The following LINGO2 variants were observed in gnomAD, a reference collection of about 807,000 sequenced individuals.
The protein encoded by LINGO2 is leucine rich repeat and Ig domain containing 2.
In LINGO2, 14 loss-of-function variants were observed where a neutral mutation model predicts 30.6. That is an observed-to-expected ratio of 0.46 (90% CI 0.30 to 0.72). The LOEUF is 0.72. Among genes scored for constraint, LINGO2 ranks in the 30% least tolerant of loss-of-function variants. The probability of loss-of-function intolerance (pLI) is 0.07; values close to 1 mark genes in which losing one functional copy is unlikely to be tolerated. For synonymous variants in LINGO2, 317 were observed against 288.5 expected (o/e 1.10, Z -1.00); for missense variants, 729 against 751.7 (o/e 0.97, Z 0.35).
the LINGO2 span, among the ~76,000 whole-genome samples, chr9:28,796,046 A>T: frequency 2.6e-5 from 4 of 150,986 alleles, no homozygotes; most frequent in Admixed American, 1.3e-4. Context: ...GTGTGGGAAT[A>T]ATCATTCTAT....
chr9:28,753,837 T>C, the LINGO2 span, among the ~76,000 whole-genome samples: 1 of 152,028 alleles, frequency 6.6e-6, no homozygotes, highest in Non-Finnish European at 1.5e-5. Context: ...GGAGGTGTCA[T>C]CTGGGTTAAA....
chr9:29,168,698 T>C, the LINGO2 span, among the ~76,000 whole-genome samples: 3 of 152,208 alleles, frequency 2.0e-5, no homozygotes, highest in South Asian at 4.1e-4. Context: ...AGCAAATATG[T>C]AAGGGCAGTG....
chr9:29,143,060 T>G, the LINGO2 span, among the ~76,000 whole-genome samples: 1 of 50,578 alleles, frequency 2.0e-5, no homozygotes, highest in East Asian at 1.0e-3. Context: ...AGAAAAAAAG[T>G]AAAATATTTA....
chr9:29,097,528 C>A, the LINGO2 span, among the ~76,000 whole-genome samples: 2 of 137,944 alleles, frequency 1.4e-5, no homozygotes, highest in African/African-American at 5.4e-5. Flanking sequence ...ATAGGTATTA[C>A]CTATGCTATA....
the LINGO2 span, among the ~76,000 whole-genome samples, chr9:28,858,347 T>G: frequency 6.6e-6 from 1 of 152,072 alleles, no homozygotes; most frequent in Admixed American, 6.6e-5. Context: ...TCTCAAATTA[T>G]GCAATCCCAT....
chr9:28,425,485 A>G (rs911614817), intron 2 of LINGO2, among the ~76,000 whole-genome samples: 5 of 152,018 alleles, frequency 3.3e-5, no homozygotes, highest in African/African-American at 1.2e-4. Context: ...CTAAAGAAGT[A>G]GTGGAGGCAG....
intron 1 of LINGO2, among the ~76,000 whole-genome samples, chr9:28,612,195 G>A (rs964602838): frequency 3.9e-5 from 6 of 152,102 alleles, no homozygotes; most frequent in Admixed American, 1.3e-4. Flanking sequence ...CAGAGTAGCT[G>A]AGACTACAGG....
intron 4 of LINGO2, among the ~76,000 whole-genome samples, chr9:28,200,482 A>C (rs1163696750): frequency 1.3e-5 from 2 of 152,014 alleles, no homozygotes; most frequent in African/African-American, 4.8e-5. Flanking sequence ...CTTTGGGTAA[A>C]GCAGGTATAG....
the LINGO2 span, among the ~76,000 whole-genome samples, chr9:28,828,605 T>G: frequency 5.3e-5 from 8 of 152,064 alleles, no homozygotes; most frequent in African/African-American, 1.9e-4. Context: ...GCAACCTTTT[T>G]TTTTTTTCCT....
intron 5 of LINGO2, among the ~76,000 whole-genome samples, chr9:28,009,366 A>AG (rs34733268): frequency 2.0e-5 from 3 of 151,606 alleles, no homozygotes; most frequent in Non-Finnish European, 4.4e-5. Context: ...AAAAAAAAAA[A>AG]GATAAAATGG....
chr9:28,176,301 G>T (rs1398714298), intron 4 of LINGO2, among the ~76,000 whole-genome samples: 1 of 152,112 alleles, frequency 6.6e-6, no homozygotes, highest in Non-Finnish European at 1.5e-5. Flanking sequence ...TTCAGAGCTA[G>T]TTCAATATAT....
At chr9:29,136,002 T>A in the LINGO2 span, among the ~76,000 whole-genome samples, 3 of 152,286 alleles carry the variant, frequency 2.0e-5, no homozygotes, top group South Asian at 4.1e-4. Context: ...GTCCCTAGGA[T>A]GACCCAACAT....
the LINGO2 span, among the ~76,000 whole-genome samples, chr9:28,812,148 T>C: frequency 1.3e-5 from 2 of 151,962 alleles, no homozygotes; most frequent in African/African-American, 2.4e-5. Context: ...CTTACATAAA[T>C]ACATCTTTGC....
At chr9:28,973,346 G>C in the LINGO2 span, among the ~76,000 whole-genome samples, 3 of 152,152 alleles carry the variant, frequency 2.0e-5, no homozygotes, top group Non-Finnish European at 2.9e-5. Flanking sequence ...AGAGTTTTCA[G>C]TTGGAACCTT....
rs73441431 is a variant in LINGO2 at position 28,534,757 on chromosome 9, T to C, written c.-364-58732A>G. ...TAGAACAAAGGAATAAGAATTAACA[T>C]TGTACATCAGAAAAATATCTGTTTA... On this transcript the variant is annotated intron_variant, in intron 1 of 5. Transcript: ENST00000379992. Among the ~76,000 whole-genome samples, 907 of 152,276 alleles carry C rather than the reference T, an allele frequency of 6.0e-3. 9 individuals carry two copies. The highest frequency in any genetic ancestry group is 0.02 in the African/African-American group (840 of 41,568).
chr9:29,189,266 G>A, the LINGO2 span, among the ~76,000 whole-genome samples: 1 of 150,438 alleles, frequency 6.6e-6, no homozygotes, highest in East Asian at 2.0e-4. Context: ...CTGGCCTGGC[G>A]GGGGGCTGAC....
At chr9:28,134,527 G>A (rs1032231007) in intron 4 of LINGO2, among the ~76,000 whole-genome samples, 11 of 152,256 alleles carry the variant, frequency 7.2e-5, no homozygotes, top group Non-Finnish European at 1.2e-4. Flanking sequence ...CACCTGGGAG[G>A]AAGGGAGGGC....
the LINGO2 span, among the ~76,000 whole-genome samples, chr9:28,762,823 C>T: frequency 6.6e-6 from 1 of 152,064 alleles, no homozygotes; most frequent in East Asian, 1.9e-4. Context: ...TTTTGAACTA[C>T]TGGCTCTCCT....
the LINGO2 span, among the ~76,000 whole-genome samples, chr9:28,974,085 C>T: frequency 6.6e-6 from 1 of 152,120 alleles, no homozygotes; most frequent in East Asian, 1.9e-4. Context: ...GTAACTACAA[C>T]AACTTTTCAA....
Sources: gnomAD v4.1 joint callset for allele counts (sites outside exome capture counted in the v4.1 genomes callset) on GRCh38, gnomAD v4.1.1 for gene constraint, MANE v1.5 for transcripts, NCBI Gene and HGNC (gene_info 2026-07-23, HGNC 2026-07-21) for gene names.